The following DEFB1 variants were observed in gnomAD, a reference collection of about 807,000 sequenced individuals.
DEFB1 encodes beta-defensin 1.
In DEFB1, 4 loss-of-function variants were observed where a neutral mutation model predicts 2.6. The ratio of observed to expected loss-of-function variants is 1.53; its 90% CI spans 0.76 to 3.51. The LOEUF (loss-of-function observed/expected upper bound fraction) is 3.51, where lower values mean the gene tolerates loss of function less well. Ranked by LOEUF, DEFB1 falls within the 30% of genes most tolerant of loss-of-function variation. The probability of loss-of-function intolerance (pLI) is 0.01; values close to 1 mark genes in which losing one functional copy is unlikely to be tolerated. For synonymous variants in DEFB1, 56 were observed against 28.5 expected (o/e 1.96, Z -3.07); for missense variants, 162 against 76.9 (o/e 2.11, Z -4.14).
chr8:6,877,904 T>C lies in DEFB1; in HGVS notation c.-47A>G. 1.3e-6 allele frequency: 2 copies of C among 1,574,004 alleles called. No homozygotes were observed. The highest frequency in any genetic ancestry group is 1.7e-6 in the Non-Finnish European group (2 of 1,143,788). On this transcript the variant is annotated 5_prime_UTR_variant, in exon 1 of 2. Coordinates refer to ENST00000297439, the MANE Select transcript of DEFB1 (RefSeq NM_005218.4). ...AGGATTTCAGGAACTGGGGAGACGCTGGCTCCTTTGGAGGCTGAGCTGACA... is the reference window on the plus strand; with the variant it reads ...AGGATTTCAGGAACTGGGGAGACGCCGGCTCCTTTGGAGGCTGAGCTGACA...
At chr8:6,873,481 G>C (rs1806397841) in intron 1 of DEFB1, among the ~76,000 whole-genome samples, 1 of 152,144 alleles carries the variant, frequency 6.6e-6, no homozygotes, top group Admixed American at 6.5e-5. Flanking sequence ...AACCTCTCTA[G>C]GCAGCAGCTT....
At chr8:6,872,353 A>T (rs148104961) in intron 1 of DEFB1, among the ~76,000 whole-genome samples, 11 of 152,370 alleles carry the variant, frequency 7.2e-5, no homozygotes, top group African/African-American at 2.6e-4. Context: ...CCGCATTGCA[A>T]GTGCTCACGA....
intron 1 of DEFB1, 50 bp downstream of exon 1, chr8:6,877,747 A>T (rs368437938): frequency 6.5e-7 from 1 of 1,534,138 alleles, no homozygotes; most frequent in South Asian, 1.1e-5. Flanking sequence ...CATCAGCCCC[A>T]TTGTCCCCAG....
intron 1 of DEFB1, among the ~76,000 whole-genome samples, chr8:6,876,845 C>CAAAAAAAAAAAAA (rs34563802): frequency 8.6e-5 from 5 of 57,890 alleles, no homozygotes; most frequent in African/African-American, 3.0e-4. Flanking sequence ...AACCAAAAAC[C>CAAAAAAAAAAAAA]AAAAAAAAAA....
rs1300471235 is a variant in DEFB1 at position 6,870,713 on chromosome 8, A to G, written c.175T>C (p.Cys59Arg). The G allele has an allele frequency of 6.2e-7, 1 of 1,614,116 alleles. No individual in the cohort carries two copies. The highest frequency in any genetic ancestry group is 8.5e-7 in the Non-Finnish European group (1 of 1,180,056). The stretch of plus-strand genomic sequence containing the variant: ...CAGCACTTGGCCTTCCCTCTGTAAC[A>G]GGTGCCTTGAATTTTGGTAAAGATC... Reference protein sequence around the residue: ...CPIFTKIQGTCYRGKAKCCK With the variant: ...CPIFTKIQGTRYRGKAKCCK The change falls in exon 2 of 2, where the codon TGT (cysteine) becomes CGT (arginine). Residue 59 changes from cysteine to arginine, a missense_variant. Physicochemically the swap from Cys to Arg is radical, Grantham distance 180. Transcript: ENST00000297439.
intron 1 of DEFB1, among the ~76,000 whole-genome samples, chr8:6,871,944 T>C (rs2978876): frequency 0.18 from 26,855 of 152,184 alleles, 2,582 homozygotes; most frequent in Admixed American, 0.24. Context: ...AGGCCATCGC[T>C]ACCCTAGGAG....
chr8:6,872,827 T>C (rs895123987), intron 1 of DEFB1, among the ~76,000 whole-genome samples: 4 of 152,186 alleles, frequency 2.6e-5, no homozygotes, highest in Non-Finnish European at 5.9e-5. Flanking sequence ...CATGACCAGC[T>C]AGACTCTGCC....
intron 1 of DEFB1, among the ~76,000 whole-genome samples, chr8:6,874,766 G>C (rs1806457330): frequency 6.6e-6 from 1 of 152,174 alleles, no homozygotes; most frequent in South Asian, 2.1e-4. Flanking sequence ...CAGATAACTT[G>C]AGGTCAGGTA....
chr8:6,874,893 A>G (rs1340737314), intron 1 of DEFB1, among the ~76,000 whole-genome samples: 1 of 151,966 alleles, frequency 6.6e-6, no homozygotes, highest in Non-Finnish European at 1.5e-5. Context: ...GAGGCAGGAG[A>G]ATCCCTTGAA....
chr8:6,871,725 A>T (rs1216426962), intron 1 of DEFB1, among the ~76,000 whole-genome samples: 2 of 152,218 alleles, frequency 1.3e-5, no homozygotes, highest in African/African-American at 4.8e-5. Flanking sequence ...ACACACACAG[A>T]GGAAAGACCA....
chr8:6,874,406 A>G (rs573156536), intron 1 of DEFB1, among the ~76,000 whole-genome samples: 218 of 152,240 alleles, frequency 1.4e-3, no homozygotes, highest in Non-Finnish European at 2.5e-3. Flanking sequence ...GGGAATCCCC[A>G]GAGGTTCTAA....
chr8:6,874,262 CAT>C (rs1806436627), intron 1 of DEFB1, among the ~76,000 whole-genome samples: 1 of 151,982 alleles, frequency 6.6e-6, no homozygotes, highest in Non-Finnish European at 1.5e-5. Flanking sequence ...ATCCTACTAA[CAT>C]AAAAAAAGTT....
Position 6,871,917 on chromosome 8 carries a change from G to A in DEFB1, c.62-1091C>T, listed in dbSNP as rs570092889. On this transcript the variant is annotated intron_variant, in intron 1 of 1. Coordinates refer to ENST00000297439, the MANE Select transcript of DEFB1 (RefSeq NM_005218.4). The stretch of plus-strand genomic sequence containing the variant: ...GTTTAAACGATAAATCTGGTAGCCT[G>A]AGCGGACTAATACAAGAGGCCATCG... 3.8e-4 allele frequency among the ~76,000 whole-genome samples: 58 copies of A among 152,276 alleles called. 1 individual carries two copies. Among genetic ancestry groups the A allele is most frequent in the Middle Eastern group, 6.8e-3 (2 of 294 alleles).
chr8:6,875,948 G>C (rs949690765), intron 1 of DEFB1, among the ~76,000 whole-genome samples: 5 of 152,088 alleles, frequency 3.3e-5, no homozygotes, highest in South Asian at 4.2e-4. Flanking sequence ...GACTGGGAAG[G>C]CTCGAGAATA....
At chr8:6,871,059 G>A (rs777775918) in intron 1 of DEFB1, among the ~76,000 whole-genome samples, 2 of 152,210 alleles carry the variant, frequency 1.3e-5, no homozygotes, top group East Asian at 1.9e-4. Context: ...TGAGCAGTGG[G>A]GTTCTGAGTG....
At chr8:6,874,013 C>T (rs1039158214) in intron 1 of DEFB1, among the ~76,000 whole-genome samples, 49 of 152,226 alleles carry the variant, frequency 3.2e-4, no homozygotes, top group East Asian at 5.8e-4. Flanking sequence ...GTTTCTCTTA[C>T]GTGCTTCTTA....
intron 1 of DEFB1, among the ~76,000 whole-genome samples, chr8:6,876,380 G>A (rs774822548): frequency 6.6e-6 from 1 of 152,180 alleles, no homozygotes; most frequent in African/African-American, 2.4e-5. Context: ...AGGAGGCTGA[G>A]GCAGGAGAAT....
intron 1 of DEFB1, among the ~76,000 whole-genome samples, chr8:6,874,321 T>C (rs1344521394): frequency 1.3e-5 from 2 of 151,634 alleles, no homozygotes; most frequent in South Asian, 4.2e-4. Context: ...CCTAAATGAG[T>C]GGAAATGCTC....
rs55898904 is a variant in DEFB1, at chr8:6,873,317, C to T, written c.62-2491G>A. 1.7e-3 allele frequency among the ~76,000 whole-genome samples: 261 copies of T among 152,312 alleles called. 1 individual carries two copies. The highest frequency in any genetic ancestry group is 3.4e-3 in the Middle Eastern group (1 of 294). ...ACACTGCTGGTTGACTGTGGTGTCA[C>T]GGTGCATAACCAGAACTAATTTCTG... On this transcript the variant is annotated intron_variant, in intron 1 of 1. Transcript: ENST00000297439.
Sources: allele counts gnomAD v4.1 joint callset (sites outside exome capture counted in the v4.1 genomes callset), GRCh38; gene constraint gnomAD v4.1.1; transcripts MANE v1.5; gene names NCBI Gene and HGNC (gene_info 2026-07-23, HGNC 2026-07-21).